PODN: variants seen among roughly 807,000 people sequenced by gnomAD.
The protein encoded by PODN is podocan proteoglycan.
In PODN, 40 loss-of-function variants were observed where a neutral mutation model predicts 52.7. The ratio of observed to expected loss-of-function variants is 0.76; its 90% CI spans 0.59 to 0.99. The LOEUF is 0.99. Among genes scored for constraint, PODN ranks in the 50% least tolerant of loss-of-function variants. PODN has a pLI of 0.00. For missense variants in PODN, 720 were observed against 815.1 expected (o/e 0.88, Z 1.42); for synonymous variants, 396 against 377.9 (o/e 1.05, Z -0.56).
rs756894143 is a variant in PODN at position 53,077,306 on chromosome 1, C to A, written c.698C>A (p.Pro233His). The change falls in exon 6 of 11, where the codon CCC becomes CAC. Residue 233 changes from proline to histidine, a missense_variant. Physicochemically the swap from Pro to His is moderately conservative, Grantham distance 77 (BLOSUM62 -2). Transcript: ENST00000312553. ...ILSSNFLRHV[P>H]KHLPPALYKL... ...TCCAGCAACTTCCTGCGCCACGTGC[C>A]CAAGCACCTGCCGCCTGCCCTGTAC... The A allele has an allele frequency of 6.2e-7, 1 of 1,613,248 alleles. No individual in the cohort carries two copies. The highest frequency in any genetic ancestry group is 1.3e-5 in the African/African-American group (1 of 74,958).
chr1:53,078,853 G>T lies in PODN; in HGVS notation c.1343G>T (p.Gly448Val). 6.2e-7 allele frequency: 1 copy of T among 1,612,758 alleles called. No homozygotes were observed. The highest frequency in any genetic ancestry group is 8.5e-7 in the Non-Finnish European group (1 of 1,179,678). The stretch of plus-strand genomic sequence containing the variant: ...AACCGGCTGCACACGCTGCCACCTG[G>T]GCTGCCTCGAAATGTCCATGTGCTG... ...SGNRLHTLPP[G>V]LPRNVHVLKV... is the part of the protein sequence containing the mutation. Residue 448 changes from glycine to valine, a missense_variant, in exon 8 of 11, where the codon GGG (glycine) becomes GTG (valine). Gly to Val is a moderately radical substitution (Grantham distance 109, BLOSUM62 -3). Coordinates refer to ENST00000312553, the MANE Select transcript of PODN (RefSeq NM_153703.5).
At chr1:53,063,183 C>G (rs1643984047) in intron 1 of PODN, among the ~76,000 whole-genome samples, 1 of 152,098 alleles carries the variant, frequency 6.6e-6, no homozygotes, top group African/African-American at 2.4e-5. Context: ...CTGGCAGCCT[C>G]GGGGGCTGGG....
intron 5 of PODN, 66 bp from the exon 6 acceptor site, chr1:53,077,124 C>T: frequency 1.3e-6 from 2 of 1,576,380 alleles, no homozygotes; most frequent in Non-Finnish European, 1.7e-6. Flanking sequence ...TTTAGAGGCT[C>T]ACCAGTTGAG....
intron 1 of PODN, among the ~76,000 whole-genome samples, chr1:53,065,778 G>A (rs1414449283): frequency 2.0e-5 from 3 of 152,102 alleles, no homozygotes; most frequent in Admixed American, 2.0e-4. Context: ...TCCCCCACCT[G>A]ACAGTCTTGT....
chr1:53,074,605 G>A lies in PODN; in HGVS notation c.407-1G>A. ...CTCTGACCGATGCCTGTCCTTTGAA[G>A]GGCTCCCAGAGAAGGCGTTTGAGCA... On this transcript the variant is annotated splice_acceptor_variant, in intron 3 of 10. Transcript: ENST00000312553. LOFTEE classifies it high-confidence loss of function. 1 of 1,613,992 alleles carries A rather than the reference G, an allele frequency of 6.2e-7. No individual in the cohort carries two copies. The highest frequency in any genetic ancestry group is 8.5e-7 in the Non-Finnish European group (1 of 1,180,010).
chr1:53,067,803 T>C (rs1644054433), intron 1 of PODN, among the ~76,000 whole-genome samples: 1 of 151,772 alleles, frequency 6.6e-6, no homozygotes, highest in East Asian at 1.9e-4. Context: ...ATAGTCCCAG[T>C]TGCTTGAGAG....
intron 2 of PODN, among the ~76,000 whole-genome samples, chr1:53,070,541 C>G (rs1305660586): frequency 6.6e-6 from 1 of 152,242 alleles, no homozygotes; most frequent in Non-Finnish European, 1.5e-5. Context: ...GCAAAGTAGA[C>G]CTGACAGAAT....
intron 1 of PODN, among the ~76,000 whole-genome samples, chr1:53,064,696 C>T (rs17107797): frequency 0.032 from 4,885 of 152,298 alleles, 265 homozygotes; most frequent in African/African-American, 0.11. Flanking sequence ...TTCTCAGTAA[C>T]AGTAACCCCT....
chr1:53,078,701 C>T lies in PODN; in HGVS notation c.1191C>T (p.Arg397=), dbSNP rs375056345. 1.4e-4 allele frequency: 224 copies of T among 1,613,408 alleles called. No individual in the cohort carries two copies. Among genetic ancestry groups the T allele is most frequent in the Admixed American group, 1.3e-3 (79 of 60,036 alleles). The change falls in exon 8 of 11, where the codon CGC becomes CGT. Residue 397 remains arginine (R), a synonymous_variant. Coordinates refer to ENST00000312553, the MANE Select transcript of PODN (RefSeq NM_153703.5). ...ACAACCAGATCACAGGCATTGGCCG[C>T]GAAGACTTTGCCACCACCTACTTCC... ...ILHNQITGIG[R]EDFATTYFLE...
intron 3 of PODN, 82 bp downstream of exon 3, chr1:53,071,710 G>C: frequency 7.3e-7 from 1 of 1,363,230 alleles, no homozygotes; most frequent in Non-Finnish European, 1.0e-6. Flanking sequence ...CCCAGGGGGA[G>C]AGCTTGGCCC....
Position 53,082,042 on chromosome 1 carries a change from C to A in PODN, c.1723C>A (p.Gln575Lys). The A allele has an allele frequency of 6.2e-7, 1 of 1,613,734 alleles. No homozygotes were observed. ...TGCCTTCCGGAGGCTGAAGCACCTGCAGGTCTTGGACATTGAAGGCAACTT... is the reference window on the plus strand; with the variant it reads ...TGCCTTCCGGAGGCTGAAGCACCTGAAGGTCTTGGACATTGAAGGCAACTT... ...DSAFRRLKHL[Q>K]VLDIEGNLEF... Residue 575 changes from glutamine (Q) to lysine (K), a missense_variant, in exon 10 of 11, where the codon CAG becomes AAG. Gln to Lys is a moderately conservative substitution (Grantham distance 53). Coordinates refer to ENST00000312553, the MANE Select transcript of PODN (RefSeq NM_153703.5).
intron 8 of PODN, among the ~76,000 whole-genome samples, chr1:53,079,757 G>A (rs1409659056): frequency 6.6e-6 from 1 of 152,250 alleles, no homozygotes; most frequent in African/African-American, 2.4e-5. Flanking sequence ...CAGTTAGAGA[G>A]GCTGAGGCAG....
At position 53,080,725 on chromosome 1, in the gene PODN, C is replaced by A; in HGVS notation, c.1513-3C>A. 15 of 1,613,450 alleles carry A rather than the reference C, an allele frequency of 9.3e-6. No homozygotes were observed. Among genetic ancestry groups the A allele is most frequent in the Non-Finnish European group, 1.2e-5 (14 of 1,179,672 alleles). On this transcript the variant is annotated splice_region_variant and splice_polypyrimidine_tract_variant and intron_variant, in intron 8 of 10. Transcript: ENST00000312553. ...TCCCTGACTCCCTTGGTCACCCCTG[C>A]AGCTGCTGGACATCGCCGGGAATCA...
At position 53,078,981 on chromosome 1, in the gene PODN, G is replaced by A. The variant is rs769084935; in HGVS notation, c.1471G>A (p.Ala491Thr). The A allele has an allele frequency of 3.1e-5, 49 of 1,570,318 alleles. No individual in the cohort carries two copies. Among genetic ancestry groups the A allele is most frequent in the Non-Finnish European group, 2.9e-5 (34 of 1,157,150 alleles). ...CACCAGCAACCGACTGCGCAGCCGA[G>A]CCCTGGGCCCCCGTGCCTGGGTGGA... ...YLTSNRLRSR[A>T]LGPRAWVDLA... The change falls in exon 8 of 11, where the codon GCC becomes ACC. Residue 491 changes from alanine (A) to threonine (T), a missense_variant. Physicochemically the swap from Ala to Thr is moderately conservative, Grantham distance 58. Transcript: ENST00000312553.
intron 1 of PODN, among the ~76,000 whole-genome samples, chr1:53,069,263 C>T (rs1644075615): frequency 6.6e-6 from 1 of 152,166 alleles, no homozygotes. Context: ...AGAGGAAGGG[C>T]ACTCTAGGCA....
chr1:53,076,565 C>T (rs570101817), intron 5 of PODN, among the ~76,000 whole-genome samples: 9 of 152,214 alleles, frequency 5.9e-5, no homozygotes, highest in East Asian at 1.9e-4. Flanking sequence ...GTTGGGTCCA[C>T]GAGGGCAGGG....
Position 53,078,599 on chromosome 1 carries a change from G to A in PODN, c.1089G>A (p.Thr363=), listed in dbSNP as rs62000444. The change falls in exon 8 of 11, where the codon ACG becomes ACA. Residue 363 remains threonine, a synonymous_variant. Coordinates refer to ENST00000312553, the MANE Select transcript of PODN (RefSeq NM_153703.5). Reference sequence around the variant, plus strand: ...TCCAGGGCCTCAAGCGGTTGCACACGGTGCACCTGTACAACAACGCGCTGG... The same window carrying A: ...TCCAGGGCCTCAAGCGGTTGCACACAGTGCACCTGTACAACAACGCGCTGG... ...LAFQGLKRLH[T]VHLYNNALER... 1.7e-4 allele frequency: 273 copies of A among 1,613,042 alleles called. 1 individual carries two copies. In the African/African-American group the frequency reaches 2.4e-3, roughly 14 times the overall value.
At chr1:53,072,297 A>G (rs1644131319) in intron 3 of PODN, among the ~76,000 whole-genome samples, 1 of 152,146 alleles carries the variant, frequency 6.6e-6, no homozygotes, top group South Asian at 2.1e-4. Context: ...TCCATAAGTT[A>G]TTTTCATGTT....
At chr1:53,079,266 C>T (rs1419572871) in intron 8 of PODN, among the ~76,000 whole-genome samples, 2 of 152,174 alleles carry the variant, frequency 1.3e-5, no homozygotes, top group Non-Finnish European at 2.9e-5. Flanking sequence ...CCAGGGTGAG[C>T]CCAGCCCACC....
Sources: gnomAD v4.1 joint callset for allele counts (sites outside exome capture counted in the v4.1 genomes callset) on GRCh38, gnomAD v4.1.1 for gene constraint, MANE v1.5 for transcripts, NCBI Gene and HGNC (gene_info 2026-07-23, HGNC 2026-07-21) for gene names.